Variants in TNRC6A observed in about 807,000 individuals in gnomAD.
TNRC6A encodes the protein trinucleotide repeat-containing gene 6A protein.
In TNRC6A, 44 loss-of-function variants were observed where a neutral mutation model predicts 221.2. The ratio of observed to expected loss-of-function variants is 0.20; its 90% confidence interval spans 0.16 to 0.26. The LOEUF (loss-of-function observed/expected upper bound fraction) is 0.26, where lower values mean the gene tolerates loss of function less well. Ranked by LOEUF, TNRC6A falls within the 10% of genes least tolerant of loss-of-function variation. The pLI, the probability that TNRC6A is intolerant of heterozygous loss-of-function variation, is 1.00. For synonymous variants in TNRC6A, 847 were observed against 838.5 expected (o/e 1.01, Z -0.18); for missense variants, 2,199 against 2,404.4 (o/e 0.91, Z 1.79).
chr16:24,716,613 C>A (rs1245333452), intron 2 of TNRC6A, among the ~76,000 whole-genome samples: 4 of 151,896 alleles, frequency 2.6e-5, no homozygotes, highest in Admixed American at 2.0e-4. Context: ...TCAAGGCTAC[C>A]ATGTTCACGC....
rs2055981193 is a variant in TNRC6A at position 24,701,707 on chromosome 16, GCCCTGCTAT to G, written n.403-49014_403-49006del. On this transcript the variant is annotated intron_variant and non_coding_transcript_variant, in intron 2 of 2. Coordinates refer to the TNRC6A transcript ENST00000566108. ...AACCTCCTGGCTTCCGAAACCCATG[GCCCTGCTAT>G]CCCTTCTGTCATTTTCACAAATGAT... Among the ~76,000 whole-genome samples the G allele has an allele frequency of 2.0e-5, 3 of 152,220 alleles. No individual in the cohort carries two copies. In the South Asian group the frequency reaches 6.2e-4, roughly 32 times the overall value.
chr16:24,727,685 G>C (rs2056515303), upstream of TNRC6A, among the ~76,000 whole-genome samples: 1 of 152,118 alleles, frequency 6.6e-6, no homozygotes. Context: ...ATTGCCTTAT[G>C]TTGTTGTGAA....
intron 2 of TNRC6A, among the ~76,000 whole-genome samples, chr16:24,698,693 C>T (rs1407487894): frequency 2.6e-5 from 4 of 152,022 alleles, no homozygotes; most frequent in African/African-American, 4.8e-5. Context: ...TTGAGGTTTC[C>T]CTAGGGTCTT....
intron 4 of TNRC6A, among the ~76,000 whole-genome samples, chr16:24,759,540 T>C (rs2057320027): frequency 6.6e-6 from 1 of 152,126 alleles, no homozygotes; most frequent in Non-Finnish European, 1.5e-5. Flanking sequence ...ACGACGTGCA[T>C]CTTTTGTCTC....
At position 24,659,635 on chromosome 16, in the gene TNRC6A, G is replaced by T. The variant is rs372533722; in HGVS notation, n.402+18626G>T. Among the ~76,000 whole-genome samples, 19 of 152,160 alleles carry T rather than the reference G, an allele frequency of 1.2e-4. No homozygotes were observed. The East Asian group carries it at 3.5e-3, about 28-fold the overall frequency. ...TGTTTGTATTATTTGTAGAGACAGG[G>T]TCTTGCTATGTTGTCCAGGCTGGTC... On this transcript the variant is annotated intron_variant and non_coding_transcript_variant, in intron 2 of 2. Transcript: ENST00000566108.
At chr16:24,810,012 C>T (rs2058511225) in intron 18 of TNRC6A, among the ~76,000 whole-genome samples, 1 of 152,302 alleles carries the variant, frequency 6.6e-6, no homozygotes, top group African/African-American at 2.4e-5. Flanking sequence ...AGGGTTTCAT[C>T]ATGCTGGCCA....
chr16:24,623,257 G>A (rs1213834108), intron 1 of TNRC6A, among the ~76,000 whole-genome samples: 1 of 151,480 alleles, frequency 6.6e-6, no homozygotes, highest in African/African-American at 2.4e-5. Flanking sequence ...GGAGTGCCGT[G>A]GTGCGATCTC....
chr16:24,620,542 T>C (rs1900613519), intron 1 of TNRC6A, among the ~76,000 whole-genome samples: 1 of 152,192 alleles, frequency 6.6e-6, no homozygotes, highest in African/African-American at 2.4e-5. Flanking sequence ...GAGGGGTGGC[T>C]CATGCCTGTA....
chr16:24,634,297 G>C (rs998670194), intron 1 of TNRC6A, among the ~76,000 whole-genome samples: 1 of 152,182 alleles, frequency 6.6e-6, no homozygotes, highest in African/African-American at 2.4e-5. Flanking sequence ...AGGCATGGTG[G>C]TGCATGCCCG....
intron 2 of TNRC6A, among the ~76,000 whole-genome samples, chr16:24,668,294 A>C (rs2055216557): frequency 6.6e-6 from 1 of 151,902 alleles, no homozygotes; most frequent in African/African-American, 2.4e-5. Context: ...TGCCAAGCCA[A>C]GATCATGCCA....
At chr16:24,660,890 C>T (rs979476445) in intron 2 of TNRC6A, among the ~76,000 whole-genome samples, 7 of 151,594 alleles carry the variant, frequency 4.6e-5, no homozygotes, top group South Asian at 2.1e-4. Context: ...TACAGGTGCC[C>T]GCCACCACGC....
At chr16:24,748,791 A>G (rs1222890822) in intron 2 of TNRC6A, among the ~76,000 whole-genome samples, 1 of 152,010 alleles carries the variant, frequency 6.6e-6, no homozygotes, top group Non-Finnish European at 1.5e-5. Context: ...CAACATCCCT[A>G]CTGCCATATG....
chr16:24,733,884 A>T (rs2056701860), intron 2 of TNRC6A, among the ~76,000 whole-genome samples: 1 of 152,224 alleles, frequency 6.6e-6, no homozygotes, highest in African/African-American at 2.4e-5. Flanking sequence ...TGGCAAAAAG[A>T]GGTGAGTGAG....
chr16:24,626,674 G>T (rs537273225), intron 1 of TNRC6A, among the ~76,000 whole-genome samples: 1 of 143,934 alleles, frequency 6.9e-6, no homozygotes. Context: ...TTTTGAGACG[G>T]AGTCTCACTG....
chr16:24,743,322 T>C (rs1298514732), intron 2 of TNRC6A, among the ~76,000 whole-genome samples: 1 of 152,150 alleles, frequency 6.6e-6, no homozygotes, highest in Non-Finnish European at 1.5e-5. Context: ...TTTTAATTAA[T>C]TTTTTATTAT....
In TNRC6A at chr16:24,824,039, T is replaced by G. The variant is rs2058823364; in HGVS notation, c.*232T>G. The G allele has an allele frequency of 3.1e-6, 1 of 324,290 alleles. No individual in the cohort carries two copies. The highest frequency in any genetic ancestry group is 5.6e-6 in the Non-Finnish European group (1 of 178,974). The allele number at this position is 324,290 out of a possible 1,614,324, so 20.1% of individuals were successfully genotyped here. On this transcript the variant is annotated 3_prime_UTR_variant, in exon 25 of 25. Coordinates refer to ENST00000395799, the MANE Select transcript of TNRC6A (RefSeq NM_014494.4). ...CACTCCCAAATAGCGCCATACATGC[T>G]AAACCGTAGAGAATGAGCTCGCTTG...
At chr16:24,677,543 G>A (rs942227040) in intron 2 of TNRC6A, among the ~76,000 whole-genome samples, 17 of 152,106 alleles carry the variant, frequency 1.1e-4, no homozygotes, top group African/African-American at 4.1e-4. Flanking sequence ...AGTTCATCCC[G>A]AGCTCCTCCC....
In TNRC6A at chr16:24,825,743, C is replaced by T. The variant is rs1432721363; in HGVS notation, c.*1936C>T. On this transcript the variant is annotated 3_prime_UTR_variant, in exon 25 of 25. Transcript: ENST00000395799. ...CACCATTTGTGCCCATCTCAAGCCTCAGCAAGAAACCATGTGGAACATGAA... is the reference window on the plus strand; with the variant it reads ...CACCATTTGTGCCCATCTCAAGCCTTAGCAAGAAACCATGTGGAACATGAA... 6.5e-6 allele frequency: 1 copy of T among 152,674 alleles called. No individual in the cohort carries two copies. Among genetic ancestry groups the T allele is most frequent in the East Asian group, 1.9e-4 (1 of 5,204 alleles). 9.5% of individuals were successfully genotyped at this position (152,674 alleles called of 1,614,324 possible).
intron 2 of TNRC6A, among the ~76,000 whole-genome samples, chr16:24,749,415 T>C (rs1034690046): frequency 2.6e-5 from 4 of 152,192 alleles, no homozygotes; most frequent in African/African-American, 9.7e-5. Context: ...TTTTGTTTCT[T>C]TAGAGAGTAT....
Sources: allele counts gnomAD v4.1 joint callset (sites outside exome capture counted in the v4.1 genomes callset), GRCh38; gene constraint gnomAD v4.1.1; transcripts MANE v1.5; gene names NCBI Gene and HGNC (gene_info 2026-07-23, HGNC 2026-07-21).